The following FBXL4 variants were observed in gnomAD, a reference collection of about 807,000 sequenced individuals.
FBXL4 encodes the protein F-box/LRR-repeat protein 4.
A neutral mutation model predicts 58.9 loss-of-function variants in FBXL4; 40 were observed. The observed-to-expected ratio is 0.68, with a 90% CI of 0.53 to 0.88. The LOEUF is 0.88. Among genes scored for constraint, FBXL4 ranks in the 40% least tolerant of loss-of-function variants. FBXL4 has a pLI of 0.00. For synonymous variants in FBXL4, 263 were observed against 265.5 expected (o/e 0.99, Z 0.09); for missense variants, 676 against 734.4 (o/e 0.92, Z 0.92).
chr6:98,918,058 C>G (rs1289785075), intron 4 of FBXL4, among the ~76,000 whole-genome samples: 1 of 152,166 alleles, frequency 6.6e-6, no homozygotes, highest in African/African-American at 2.4e-5. Flanking sequence ...ATGAAGCTCC[C>G]TGTGTGCATG....
At chr6:98,936,714 T>G (rs1773233090) in intron 1 of FBXL4, among the ~76,000 whole-genome samples, 1 of 152,210 alleles carries the variant, frequency 6.6e-6, no homozygotes. Context: ...CAACTGTATA[T>G]GTTATCAGTA....
At chr6:98,890,399 C>T (rs947298718) in intron 7 of FBXL4, among the ~76,000 whole-genome samples, 20 of 152,142 alleles carry the variant, frequency 1.3e-4, no homozygotes, top group African/African-American at 4.8e-4. Context: ...ATTTCAAACA[C>T]ATCAGAGCAC....
intron 4 of FBXL4, among the ~76,000 whole-genome samples, chr6:98,920,404 T>G (rs1772534199): frequency 6.6e-6 from 1 of 152,136 alleles, no homozygotes; most frequent in South Asian, 2.1e-4. Context: ...TCTGCAAAAA[T>G]TATACTTAAA....
intron 4 of FBXL4, among the ~76,000 whole-genome samples, chr6:98,921,379 C>T (rs1378235168): frequency 6.6e-6 from 1 of 151,082 alleles, no homozygotes; most frequent in Non-Finnish European, 1.5e-5. Context: ...AGCTTCCTTG[C>T]AACCAAAATT....
intron 7 of FBXL4, among the ~76,000 whole-genome samples, chr6:98,888,912 C>T (rs1771128105): frequency 6.6e-6 from 1 of 152,098 alleles, no homozygotes; most frequent in Non-Finnish European, 1.5e-5. Context: ...TAACCCTGTT[C>T]AGCAGCTTCA....
chr6:98,935,470 T>C (rs551684268), intron 1 of FBXL4, among the ~76,000 whole-genome samples: 1 of 152,142 alleles, frequency 6.6e-6, no homozygotes, highest in South Asian at 2.1e-4. Flanking sequence ...ATTACCTTTT[T>C]CTTCAGTGTT....
At chr6:98,918,465 CCTA>C in intron 4 of FBXL4, among the ~76,000 whole-genome samples, 1 of 152,218 alleles carries the variant, frequency 6.6e-6, no homozygotes, top group South Asian at 2.1e-4. Context: ...AAATGCCCAA[CCTA>C]CTATTATCTG....
Position 98,875,551 on chromosome 6 carries a change from G to A in FBXL4, c.1566C>T (p.Thr522=), listed in dbSNP as rs149704398. The A allele has an allele frequency of 1.2e-4, 197 of 1,614,062 alleles. No individual in the cohort carries two copies. In the South Asian group the frequency reaches 1.5e-3, roughly 12 times the overall value. ...GGTGTGCCAGTCTGGTGAAGCACCC[G>A]GTGCTGCTCTGCAGAGTTGGGCACC... The part of the protein sequence containing the change: ...LGWCPTLQSS[T]GCFTRLAHQL... The change falls in exon 9 of 10, where the codon ACC becomes ACT. Residue 522 remains threonine, a synonymous_variant. Coordinates refer to ENST00000369244, the MANE Select transcript of FBXL4 (RefSeq NM_001278716.2).
intron 1 of FBXL4, among the ~76,000 whole-genome samples, chr6:98,937,095 A>C (rs1357325961): frequency 6.6e-6 from 1 of 152,156 alleles, no homozygotes; most frequent in Non-Finnish European, 1.5e-5. Context: ...GGATCACCAG[A>C]GGTCAGGAGT....
chr6:98,927,192 C>A lies in FBXL4; in HGVS notation c.-72-132G>T, dbSNP rs889079827. ...AACTAAAAAAACAAGTTTTAAAATA[C>A]AAATGTGAAGTCTGGTATAAATAAA... On this transcript the variant is annotated intron_variant, in intron 3 of 9. Transcript: ENST00000369244. The A allele has an allele frequency of 2.0e-5, 10 of 498,430 alleles. No individual in the cohort carries two copies. In the Admixed American group the frequency reaches 2.9e-4, roughly 15 times the overall value. The allele number at this position is 498,430 out of a possible 1,614,324, so 30.9% of individuals were successfully genotyped here.
chr6:98,927,142 C>A, intron 3 of FBXL4, 82 bp from the exon 4 acceptor site: 2 of 622,570 alleles, frequency 3.2e-6, no homozygotes, highest in South Asian at 2.8e-5. Context: ...ACAGGCTCTA[C>A]CCTCAATGTA....
At chr6:98,925,011 A>C (rs764633717) in intron 4 of FBXL4, among the ~76,000 whole-genome samples, 1 of 152,248 alleles carries the variant, frequency 6.6e-6, no homozygotes, top group Non-Finnish European at 1.5e-5. Flanking sequence ...GCACTAAAAT[A>C]TTTAATGAAC....
At chr6:98,936,922 G>A (rs1485131041) in intron 1 of FBXL4, among the ~76,000 whole-genome samples, 1 of 152,172 alleles carries the variant, frequency 6.6e-6, no homozygotes, top group East Asian at 1.9e-4. Flanking sequence ...GTTAAGAGTA[G>A]TTCAGTTCCT....
At chr6:98,918,026 C>T (rs1036865254) in intron 4 of FBXL4, among the ~76,000 whole-genome samples, 11 of 152,098 alleles carry the variant, frequency 7.2e-5, no homozygotes, top group Admixed American at 6.6e-4. Context: ...ATAAGTAAAC[C>T]CAAAGAATAA....
At chr6:98,876,561 T>C (rs1770669704) in intron 8 of FBXL4, among the ~76,000 whole-genome samples, 1 of 152,224 alleles carries the variant, frequency 6.6e-6, no homozygotes, top group Non-Finnish European at 1.5e-5. Flanking sequence ...CCACTCCAGA[T>C]GCTAGGACCA....
intron 6 of FBXL4, among the ~76,000 whole-genome samples, chr6:98,899,882 A>C (rs2128389660): frequency 6.6e-6 from 1 of 152,330 alleles, no homozygotes; most frequent in Non-Finnish European, 1.5e-5. Context: ...CCCATCAAGT[A>C]CTGGATAATA....
intron 5 of FBXL4, among the ~76,000 whole-genome samples, chr6:98,913,567 T>G (rs2128398623): frequency 6.6e-6 from 1 of 152,272 alleles, no homozygotes; most frequent in East Asian, 1.9e-4. Context: ...GAATGACTAC[T>G]GGGTACATAA....
chr6:98,924,535 C>T (rs572350707), intron 4 of FBXL4, among the ~76,000 whole-genome samples: 9 of 152,150 alleles, frequency 5.9e-5, no homozygotes, highest in Non-Finnish European at 1.2e-4. Flanking sequence ...CCAGCCTGGG[C>T]GACAGAGTGA....
Position 98,870,646 on chromosome 6 carries a change from T to C in FBXL4, c.*3632A>G, listed in dbSNP as rs1247121277. ...ATTTTTTATTACTAGTGCTTACCCA[T>C]AACATCAAAACAAGAGAAAAAAAGA... On this transcript the variant is annotated 3_prime_UTR_variant, in exon 10 of 10. Transcript: ENST00000369244. 6.6e-6 allele frequency: 1 copy of C among 152,164 alleles called. No homozygotes were observed. Among genetic ancestry groups the C allele is most frequent in the Non-Finnish European group, 1.5e-5 (1 of 68,030 alleles). The allele number at this position is 152,164 out of a possible 1,614,324, so 9.4% of individuals were successfully genotyped here.
Sources: gnomAD v4.1 joint callset for allele counts (sites outside exome capture counted in the v4.1 genomes callset) on GRCh38, gnomAD v4.1.1 for gene constraint, MANE v1.5 for transcripts, NCBI Gene and HGNC (gene_info 2026-07-23, HGNC 2026-07-21) for gene names.